The following ACO1 variants were observed in gnomAD, a reference collection of about 807,000 sequenced individuals.
The protein encoded by ACO1 is aconitase 1.
In ACO1, 78 loss-of-function variants were observed where a neutral mutation model predicts 105.1. The ratio of observed to expected loss-of-function variants is 0.74; its 90% CI spans 0.62 to 0.90. ACO1 has a LOEUF of 0.90. Ranked by LOEUF, ACO1 falls within the 40% of genes least tolerant of loss-of-function variation. The pLI is 0.00. For synonymous variants in ACO1, 364 were observed against 397.4 expected (o/e 0.92, Z 1.00); for missense variants, 965 against 1,111.1 (o/e 0.87, Z 1.87).
chr9:32,412,963 A>G (rs1030288671), intron 4 of ACO1, among the ~76,000 whole-genome samples: 4 of 152,144 alleles, frequency 2.6e-5, no homozygotes, highest in African/African-American at 9.7e-5. Flanking sequence ...TATTGACTCA[A>G]AATTCAAAGA....
At chr9:32,417,675 T>C (rs953867790) in intron 4 of ACO1, among the ~76,000 whole-genome samples, 1 of 152,162 alleles carries the variant, frequency 6.6e-6, no homozygotes, top group African/African-American at 2.4e-5. Flanking sequence ...CCTCTAAGCA[T>C]TGCTAGTTTT....
intron 1 of ACO1, among the ~76,000 whole-genome samples, chr9:32,404,774 A>T (rs1436607579): frequency 6.6e-6 from 1 of 152,196 alleles, no homozygotes; most frequent in Non-Finnish European, 1.5e-5. Context: ...TTAAGTTTTA[A>T]GTGCCTCACC....
Position 32,452,312 on chromosome 9 carries a change from G to A in ACO1, c.*2201G>A, listed in dbSNP as rs1822786015. 6.6e-6 allele frequency: 1 copy of A among 152,232 alleles called. No individual in the cohort carries two copies. 9.4% of individuals were successfully genotyped at this position (152,232 alleles called of 1,614,324 possible). A position where few individuals can be genotyped will look rare whatever the true frequency, so the allele number is the denominator to read the frequency against. Reference sequence around the variant, plus strand: ...GTGAAACCTTAACCCCCCAGGTAATGGTAATAGAAGCTGGGGCCTTTGGAA... The same window carrying A: ...GTGAAACCTTAACCCCCCAGGTAATAGTAATAGAAGCTGGGGCCTTTGGAA... On this transcript the variant is annotated 3_prime_UTR_variant, in exon 21 of 21. Coordinates refer to ENST00000309951, the MANE Select transcript of ACO1 (RefSeq NM_002197.3).
intron 19 of ACO1, among the ~76,000 whole-genome samples, chr9:32,444,515 TTC>T (rs1476818814): frequency 6.6e-6 from 1 of 152,242 alleles, no homozygotes; most frequent in Non-Finnish European, 1.5e-5. Flanking sequence ...ATGATCGCCA[TTC>T]TAACTGGTGT....
intron 1 of ACO1, among the ~76,000 whole-genome samples, chr9:32,393,632 T>G (rs2118344320): frequency 6.6e-6 from 1 of 152,290 alleles, no homozygotes; most frequent in African/African-American, 2.4e-5. Flanking sequence ...TGAAAATCAC[T>G]GATAAAAACT....
At chr9:32,387,831 C>T (rs1395409538) in intron 1 of ACO1, among the ~76,000 whole-genome samples, 5 of 152,170 alleles carry the variant, frequency 3.3e-5, no homozygotes, top group Non-Finnish European at 7.4e-5. Context: ...AAAACAAGGG[C>T]CAGCCATAGT....
At chr9:32,388,637 T>TACATG (rs1275962039) in intron 1 of ACO1, among the ~76,000 whole-genome samples, 2 of 152,226 alleles carry the variant, frequency 1.3e-5, no homozygotes, top group Non-Finnish European at 2.9e-5. Flanking sequence ...ATAAGTTGTG[T>TACATG]GCATGTGTCA....
At chr9:32,415,514 G>C (rs183899372) in intron 4 of ACO1, among the ~76,000 whole-genome samples, 12 of 152,290 alleles carry the variant, frequency 7.9e-5, no homozygotes, top group Admixed American at 6.5e-4. Context: ...AAGTATTCTT[G>C]GTGCGCATGC....
intron 4 of ACO1, among the ~76,000 whole-genome samples, chr9:32,414,200 A>G (rs906033786): frequency 6.6e-6 from 1 of 152,234 alleles, no homozygotes; most frequent in African/African-American, 2.4e-5. Flanking sequence ...CATTAATGTG[A>G]AAACTATCTC....
In ACO1 at chr9:32,425,922, G is replaced by A. The variant is rs946667312; in HGVS notation, c.1273G>A (p.Ala425Thr). 6.2e-7 allele frequency: 1 copy of A among 1,614,016 alleles called. No individual in the cohort carries two copies. Among genetic ancestry groups the A allele is most frequent in the South Asian group, 1.1e-5 (1 of 91,078 alleles). ...FIYDNTEFTL[A>T]HGSVVIAAIT... ...CTATGATAACACTGAATTCACCCTT[G>A]CTCATGGTTCTGTGGTCATTGCTGC... is the stretch of plus-strand genomic sequence containing the variant. Residue 425 changes from alanine (A) to threonine (T), a missense_variant, in exon 11 of 21, where the codon GCT (alanine) becomes ACT (threonine). By Grantham distance (58) the Ala-to-Thr change is moderately conservative. Transcript: ENST00000309951.
At chr9:32,410,111 T>C (rs1379155835) in intron 4 of ACO1, among the ~76,000 whole-genome samples, 4 of 152,172 alleles carry the variant, frequency 2.6e-5, no homozygotes, top group Admixed American at 2.0e-4. Context: ...TTGGTTTACG[T>C]TGGAAGTATT....
Position 32,434,997 on chromosome 9 carries a change from G to A in ACO1, c.2099+296G>A, listed in dbSNP as rs112766102. ...GCCCCCGGCTTGGCTGATCTTTAAA[G>A]TACAAGGCTCTGCTCTTAACCTGGG... On this transcript the variant is annotated intron_variant, in intron 17 of 20. Coordinates refer to ENST00000309951, the MANE Select transcript of ACO1 (RefSeq NM_002197.3). Among the ~76,000 whole-genome samples the A allele has an allele frequency of 1.7e-3, 257 of 152,296 alleles. 1 individual carries two copies. Among genetic ancestry groups the A allele is most frequent in the African/African-American group, 5.9e-3 (246 of 41,568 alleles).
intron 1 of ACO1, among the ~76,000 whole-genome samples, chr9:32,389,063 A>G (rs1821211427): frequency 1.3e-5 from 2 of 152,250 alleles, no homozygotes; most frequent in African/African-American, 4.8e-5. Context: ...CAGGGTTAGT[A>G]ATACTAGTTC....
At chr9:32,396,625 C>A (rs1352104584) in intron 1 of ACO1, among the ~76,000 whole-genome samples, 1 of 152,144 alleles carries the variant, frequency 6.6e-6, no homozygotes, top group Non-Finnish European at 1.5e-5. Context: ...CACTGACACT[C>A]CCCACAGCCC....
At chr9:32,414,510 T>C (rs1193010535) in intron 4 of ACO1, among the ~76,000 whole-genome samples, 1 of 152,242 alleles carries the variant, frequency 6.6e-6, no homozygotes, top group East Asian at 1.9e-4. Context: ...TACCTGGAAT[T>C]ACTGTATCAT....
At chr9:32,395,134 T>C (rs1232616272) in intron 1 of ACO1, among the ~76,000 whole-genome samples, 1 of 152,232 alleles carries the variant, frequency 6.6e-6, no homozygotes, top group Non-Finnish European at 1.5e-5. Context: ...TGTAATACTT[T>C]TTTTTGAAAG....
chr9:32,408,362 C>A, intron 3 of ACO1, 152 bp from the exon 4 acceptor site: 1 of 820,482 alleles, frequency 1.2e-6, no homozygotes, highest in Non-Finnish European at 1.9e-6. Context: ...AGGAAATACG[C>A]TTAGAAACTT....
intron 1 of ACO1, among the ~76,000 whole-genome samples, chr9:32,397,957 G>T (rs1329987020): frequency 6.6e-6 from 1 of 152,080 alleles, no homozygotes; most frequent in Non-Finnish European, 1.5e-5. Context: ...TCATCTGAAG[G>T]CTCTTTCAAG....
At chr9:32,400,531 A>T (rs188226795) in intron 1 of ACO1, among the ~76,000 whole-genome samples, 1 of 152,294 alleles carries the variant, frequency 6.6e-6, no homozygotes, top group Non-Finnish European at 1.5e-5. Flanking sequence ...GAGGGGAGCA[A>T]AGTGGACTTT....
Sources: allele counts gnomAD v4.1 joint callset (sites outside exome capture counted in the v4.1 genomes callset), GRCh38; gene constraint gnomAD v4.1.1; transcripts MANE v1.5; gene names NCBI Gene and HGNC (gene_info 2026-07-23, HGNC 2026-07-21).